The following SPTA1 variants were observed in gnomAD, a reference collection of about 807,000 sequenced individuals.
The protein encoded by SPTA1 is spectrin alpha, erythrocytic 1.
A neutral mutation model predicts 324.7 loss-of-function variants in SPTA1; 177 were observed. The ratio of observed to expected loss-of-function variants is 0.55; its 90% CI spans 0.48 to 0.62. The LOEUF (loss-of-function observed/expected upper bound fraction) is 0.62. Ranked by LOEUF, SPTA1 falls within the 20% of genes least tolerant of loss-of-function variation. The probability of loss-of-function intolerance (pLI) is 0.00; values close to 1 mark genes in which losing one functional copy is unlikely to be tolerated. For missense variants in SPTA1, 3,162 were observed against 2,883.6 expected, an observed-to-expected ratio of 1.10 and a Z score of -2.21; for synonymous variants, 1,195 against 1,041.3, an observed-to-expected ratio of 1.15 and a Z score of -2.84.
intron 48 of SPTA1, 40 bp downstream of exon 48, chr1:158,615,176 A>G (rs754289133): frequency 4.3e-6 from 7 of 1,611,342 alleles, no homozygotes; most frequent in Non-Finnish European, 5.9e-6. Context: ...ACCTAACACC[A>G]CCTGCATCCC....
intron 3 of SPTA1, among the ~76,000 whole-genome samples, 191 bp downstream of exon 3, chr1:158,683,180 A>G (rs1262895382): frequency 6.6e-6 from 1 of 152,164 alleles, no homozygotes; most frequent in African/African-American, 2.4e-5. Flanking sequence ...CAGCTTTAAT[A>G]TCACAGCTCT....
At chr1:158,612,776 T>C in intron 51 of SPTA1, 41 bp downstream of exon 51, 2 of 1,612,450 alleles carry the variant, frequency 1.2e-6, no homozygotes, top group Non-Finnish European at 1.7e-6. Context: ...AGAATTCAAA[T>C]TAGGATGACA....
intron 35 of SPTA1, 42 bp from the exon 36 acceptor site, chr1:158,638,283 C>A (rs1430924396): frequency 6.3e-7 from 1 of 1,581,624 alleles, no homozygotes; most frequent in Non-Finnish European, 8.6e-7. Flanking sequence ...ATAGTATAGG[C>A]ATTACTCAGA....
rs753600452 is a variant in SPTA1 at position 158,676,095 on chromosome 1, G to A, written c.1112+46C>T. 6.8e-6 allele frequency: 11 copies of A among 1,610,574 alleles called. No individual in the cohort carries two copies. In the South Asian group the frequency reaches 1.2e-4, roughly 18 times the overall value. On this transcript the variant is annotated intron_variant, in intron 8 of 51. Coordinates refer to ENST00000643759, the MANE Select transcript of SPTA1 (RefSeq NM_003126.4). The stretch of plus-strand genomic sequence containing the variant: ...ATTTCTTCTCTCGCTATTATATCTG[G>A]GCCCTGTAGAGATAGGTAGAGCAAT...
rs549735936 is a variant in SPTA1, at chr1:158,642,200, C to T, written c.4737+211G>A. On this transcript the variant is annotated intron_variant, in intron 33 of 51. Transcript: ENST00000643759. ...GGGAGGGATAGCATTAGGAGATATA[C>T]CTAATGCTAAATGACAAGTTAATGG... Among the ~76,000 whole-genome samples the T allele has an allele frequency of 2.0e-5, 3 of 152,010 alleles. No individual in the cohort carries two copies. The East Asian group carries it at 5.8e-4, about 29-fold the overall frequency.
rs568675090 is a variant in SPTA1, at chr1:158,649,180, T to G, written c.3570-527A>C. Among the ~76,000 whole-genome samples the G allele has an allele frequency of 2.6e-5, 4 of 152,362 alleles. No homozygotes were observed. The East Asian group carries it at 7.7e-4, about 29-fold the overall frequency. On this transcript the variant is annotated intron_variant, in intron 25 of 51. Coordinates refer to ENST00000643759, the MANE Select transcript of SPTA1 (RefSeq NM_003126.4). ...AAAATCAAACAAGAAAAATGTTGAA[T>G]GAGCTGATAGTCAATGTGATGTCTG...
chr1:158,656,490 A>C, intron 20 of SPTA1, 74 bp downstream of exon 20: 3 of 1,397,524 alleles, frequency 2.1e-6, no homozygotes, highest in Non-Finnish European at 3.0e-6. Flanking sequence ...GAAAGTAAAA[A>C]ATCAGCAATA....
At chr1:158,677,655 T>C (rs775723352) in intron 7 of SPTA1, 35 bp downstream of exon 7, 1 of 1,611,626 alleles carries the variant, frequency 6.2e-7, no homozygotes, top group South Asian at 1.1e-5. Context: ...CTCTTCTAGC[T>C]CAACGGGTTA....
chr1:158,681,791 C>T (rs982898443), intron 3 of SPTA1, 124 bp from the exon 4 acceptor site: 4 of 1,244,180 alleles, frequency 3.2e-6, no homozygotes, highest in Non-Finnish European at 4.6e-6. Flanking sequence ...ATTAGTTGCT[C>T]AACAAACATT....
intron 7 of SPTA1, 66 bp downstream of exon 7, chr1:158,677,624 G>T (rs957234189): frequency 1.9e-6 from 3 of 1,594,948 alleles, no homozygotes; most frequent in Non-Finnish European, 1.7e-6. Context: ...CACGGTAATA[G>T]GCAAGATAAT....
intron 39 of SPTA1, among the ~76,000 whole-genome samples, chr1:158,632,672 A>T (rs368025401): frequency 1.3e-5 from 2 of 152,246 alleles, no homozygotes; most frequent in East Asian, 3.9e-4. Context: ...GCTAGCAGGG[A>T]TATAGGGAAA....
intron 7 of SPTA1, among the ~76,000 whole-genome samples, chr1:158,676,615 T>G (rs1203601434): frequency 1.3e-5 from 2 of 152,178 alleles, no homozygotes; most frequent in African/African-American, 4.8e-5. Flanking sequence ...TTGCTTAAGA[T>G]CATTCAGCTA....
In SPTA1 at chr1:158,615,206, C is replaced by T. The variant is rs746536714; in HGVS notation, c.6788+10G>A. 1 of 1,612,854 alleles carries T rather than the reference C, an allele frequency of 6.2e-7. No individual in the cohort carries two copies. The highest frequency in any genetic ancestry group is 2.2e-5 in the East Asian group (1 of 44,872). On this transcript the variant is annotated intron_variant, in intron 48 of 51. Coordinates refer to ENST00000643759, the MANE Select transcript of SPTA1 (RefSeq NM_003126.4). Reference sequence around the variant, plus strand: ...CATCCCTCCCTGCTCTGGCCACACGCCCTCAATACTTGGCCTGGATCTGTT... The same window carrying T: ...CATCCCTCCCTGCTCTGGCCACACGTCCTCAATACTTGGCCTGGATCTGTT...
chr1:158,626,269 T>G (rs780409327), intron 41 of SPTA1, 47 bp from the exon 42 acceptor site: 1 of 1,569,680 alleles, frequency 6.4e-7, no homozygotes, highest in African/African-American at 1.4e-5. Context: ...TGGTCTTGTT[T>G]GAGTCCTGGG....
intron 6 of SPTA1, 131 bp downstream of exon 6, chr1:158,678,270 A>G: frequency 8.0e-7 from 1 of 1,256,422 alleles, no homozygotes; most frequent in Non-Finnish European, 1.2e-6. Flanking sequence ...TCCCAAAGGC[A>G]AGTACATGAT....
At position 158,652,628 on chromosome 1, in the gene SPTA1, C is replaced by T; in HGVS notation, c.3214G>A (p.Glu1072Lys). ...NQYRSLLDRA[E>K]ERRRRLLQRY... Reference sequence around the variant, plus strand: ...TGCAATAGACGACGTCTGCGTTCTTCTGCCCGATCCAAGAGGGAGCGGTAT... The same window carrying T: ...TGCAATAGACGACGTCTGCGTTCTTTTGCCCGATCCAAGAGGGAGCGGTAT... Residue 1072 changes from glutamate to lysine, a missense_variant, in exon 23 of 52, where the codon GAA becomes AAA. Transcript: ENST00000643759. 1 of 1,614,108 alleles carries T rather than the reference C, an allele frequency of 6.2e-7. No homozygotes were observed. Among genetic ancestry groups the T allele is most frequent in the Admixed American group, 1.7e-5 (1 of 60,016 alleles).
At chr1:158,639,240 A>T in intron 35 of SPTA1, 3 of 288,918 alleles carry the variant, frequency 1.0e-5, no homozygotes, top group African/African-American at 6.6e-5. Flanking sequence ...TTTGTTTGTA[A>T]TTCTATAAAG....
chr1:158,611,294 A>G lies in SPTA1; in HGVS notation c.7230T>C (p.Val2410=). 2.5e-6 allele frequency: 4 copies of G among 1,613,844 alleles called. No homozygotes were observed. The highest frequency in any genetic ancestry group is 1.1e-5 in the South Asian group (1 of 91,080). ...TGCCAAAGTAGGAATTGGTGAAGCC[A>G]ACGTAGTCATAGCCAGAGAGATGGC... ...GRSHLSGYDY[V]GFTNSYFGN Residue 2410 remains valine (V), a synonymous_variant, in exon 52 of 52, where the codon GTT becomes GTC. Coordinates refer to ENST00000643759, the MANE Select transcript of SPTA1 (RefSeq NM_003126.4).
intron 2 of SPTA1, among the ~76,000 whole-genome samples, chr1:158,684,771 A>G (rs1655048731): frequency 6.6e-6 from 1 of 152,178 alleles, no homozygotes; most frequent in South Asian, 2.1e-4. Context: ...GCCCTTATCA[A>G]TAAGCAATAT....
Sources: gnomAD v4.1 joint callset for allele counts (sites outside exome capture counted in the v4.1 genomes callset) on GRCh38, gnomAD v4.1.1 for gene constraint, MANE v1.5 for transcripts, NCBI Gene and HGNC (gene_info 2026-07-23, HGNC 2026-07-21) for gene names.